CNTNAP2: variants seen among roughly 807,000 people sequenced by gnomAD.
The protein encoded by CNTNAP2 is contactin-associated protein-like 2.
CNTNAP2 carries 98 observed loss-of-function variants against 155.2 expected under a neutral mutation model. The ratio of observed to expected loss-of-function variants is 0.63; its 90% CI spans 0.54 to 0.75. The LOEUF is 0.75. Among genes scored for constraint, CNTNAP2 ranks in the 30% least tolerant of loss-of-function variants. CNTNAP2 has a pLI of 0.00. For missense variants in CNTNAP2, 1,727 were observed against 1,688.1 expected (o/e 1.02, Z -0.40); for synonymous variants, 651 against 631.2 (o/e 1.03, Z -0.47).
At chr7:146,614,594 C>G (rs1417639944) in intron 1 of CNTNAP2, among the ~76,000 whole-genome samples, 5 of 152,178 alleles carry the variant, frequency 3.3e-5, no homozygotes, top group Non-Finnish European at 5.9e-5. Context: ...CACCATCCAG[C>G]TGAATGCAAA....
At chr7:147,302,139 C>T (rs572926180) in intron 9 of CNTNAP2, among the ~76,000 whole-genome samples, 3 of 152,150 alleles carry the variant, frequency 2.0e-5, no homozygotes, top group South Asian at 2.1e-4. Flanking sequence ...AACTGGTTAC[C>T]GTCCAAAAAA....
chr7:146,750,609 ATTTTC>A (rs1410753302), intron 1 of CNTNAP2, among the ~76,000 whole-genome samples: 2 of 151,924 alleles, frequency 1.3e-5, no homozygotes, highest in African/African-American at 4.8e-5. Context: ...TTTGCCGAGG[ATTTTC>A]TTTTCTTTTG....
chr7:147,768,029 C>T (rs1797410012), intron 13 of CNTNAP2, among the ~76,000 whole-genome samples: 1 of 152,024 alleles, frequency 6.6e-6, no homozygotes, highest in Admixed American at 6.6e-5. Flanking sequence ...CTGAACTATT[C>T]CAGTGAGGAA....
intron 1 of CNTNAP2, among the ~76,000 whole-genome samples, chr7:146,262,647 T>C (rs1247226922): frequency 6.6e-6 from 1 of 152,208 alleles, no homozygotes; most frequent in African/African-American, 2.4e-5. Flanking sequence ...GATTTCTTGA[T>C]GGCAGCTACT....
chr7:146,181,651 G>A (rs13233350), intron 1 of CNTNAP2, among the ~76,000 whole-genome samples: 46,428 of 151,846 alleles, frequency 0.31, 8,298 homozygotes, highest in African/African-American at 0.5. Context: ...TTCAAAATAA[G>A]TATTATATGG....
chr7:147,381,142 G>C (rs374665695), intron 9 of CNTNAP2, among the ~76,000 whole-genome samples: 17 of 152,098 alleles, frequency 1.1e-4, no homozygotes, highest in African/African-American at 3.9e-4. Flanking sequence ...GTCAGTCACT[G>C]TACTAGGGGC....
rs538421445 is a variant in CNTNAP2, at chr7:148,264,535, A to G, written c.3382-2498A>G. On this transcript the variant is annotated intron_variant, in intron 20 of 23. Transcript: ENST00000361727. Reference sequence around the variant, plus strand: ...GTTACTTGGGTTCCATCCCTTTTTTATTTAAAAAGTTGAAAGAAAATACAT... The same window carrying G: ...GTTACTTGGGTTCCATCCCTTTTTTGTTTAAAAAGTTGAAAGAAAATACAT... Among the ~76,000 whole-genome samples the G allele has an allele frequency of 7.2e-5, 11 of 152,280 alleles. No homozygotes were observed. In the South Asian group the frequency reaches 2.1e-3, roughly 29 times the overall value.
At chr7:147,414,941 C>CAAAAAAAAAAAAAAA (rs67048724) in intron 10 of CNTNAP2, among the ~76,000 whole-genome samples, 15 of 50,950 alleles carry the variant, frequency 2.9e-4, no homozygotes, top group East Asian at 6.4e-4. Context: ...GACTCCTTCT[C>CAAAAAAAAAAAAAAA]AAAAAAAAAA....
intron 1 of CNTNAP2, among the ~76,000 whole-genome samples, chr7:146,169,869 A>T (rs1798363842): frequency 1.3e-5 from 2 of 151,720 alleles, no homozygotes; most frequent in African/African-American, 2.4e-5. Context: ...ATTCGTGGAT[A>T]GGTACCTAGT....
chr7:147,915,750 C>A (rs1366862579), intron 14 of CNTNAP2, among the ~76,000 whole-genome samples: 1 of 146,318 alleles, frequency 6.8e-6, no homozygotes, highest in Non-Finnish European at 1.5e-5. Flanking sequence ...ATCTGGGTGG[C>A]GGGCGGGGGT....
intron 12 of CNTNAP2, among the ~76,000 whole-genome samples, chr7:147,625,678 C>T (rs1794957139): frequency 6.6e-6 from 1 of 152,128 alleles, no homozygotes; most frequent in Non-Finnish European, 1.5e-5. Context: ...CCTGGATGAA[C>T]TGAACTGTGT....
chr7:146,325,852 G>A (rs552859650), intron 1 of CNTNAP2, among the ~76,000 whole-genome samples: 23 of 152,078 alleles, frequency 1.5e-4, no homozygotes, highest in South Asian at 6.2e-4. Context: ...TTAACTTCAC[G>A]GTTAAATATG....
intron 15 of CNTNAP2, among the ~76,000 whole-genome samples, chr7:147,994,996 G>A (rs2116886093): frequency 6.6e-6 from 1 of 152,268 alleles, no homozygotes; most frequent in East Asian, 1.9e-4. Context: ...ATGAGATGAA[G>A]TCCAGAGGAA....
At chr7:147,547,220 T>G (rs1339907814) in intron 11 of CNTNAP2, among the ~76,000 whole-genome samples, 1 of 152,202 alleles carries the variant, frequency 6.6e-6, no homozygotes, top group East Asian at 1.9e-4. Context: ...AATCCCTGTA[T>G]TACAGCTGAA....
At chr7:148,324,857 TAA>T (rs1324646081) in intron 21 of CNTNAP2, among the ~76,000 whole-genome samples, 3 of 149,356 alleles carry the variant, frequency 2.0e-5, no homozygotes, top group African/African-American at 7.4e-5. Context: ...CCAGCACCCA[TAA>T]CAGTGTCAGA....
chr7:147,182,530 A>T (rs540518179), intron 8 of CNTNAP2, among the ~76,000 whole-genome samples: 1 of 152,116 alleles, frequency 6.6e-6, no homozygotes, highest in East Asian at 1.9e-4. Flanking sequence ...TTTGATTTGC[A>T]GTCCTTTCCA....
chr7:148,379,551 T>TA lies in CNTNAP2; in HGVS notation c.3476-4087dup, dbSNP rs1328239432. ...AAACCCCGCCTCTACAAAAAAATACTAAAAAAAAAAATTAGTCGGGCATGG... is the reference window on the plus strand; with the variant it reads ...AAACCCCGCCTCTACAAAAAAATACTAAAAAAAAAAAATTAGTCGGGCATGG... On this transcript the variant is annotated intron_variant, in intron 21 of 23. Transcript: ENST00000361727. Among the ~76,000 whole-genome samples the TA allele has an allele frequency of 3.9e-4, 58 of 147,148 alleles. No homozygotes were observed. The South Asian group carries it at 4.6e-3, about 12-fold the overall frequency.
intron 18 of CNTNAP2, among the ~76,000 whole-genome samples, chr7:148,184,382 A>G (rs1414624887): frequency 3.9e-5 from 6 of 152,224 alleles, no homozygotes; most frequent in African/African-American, 1.4e-4. Flanking sequence ...ACTAAATTTT[A>G]TTTTAGTATT....
At chr7:147,120,930 T>C in intron 5 of CNTNAP2, 49 bp from the exon 6 acceptor site, 1 of 1,540,804 alleles carries the variant, frequency 6.5e-7, no homozygotes, top group East Asian at 2.2e-5. Flanking sequence ...CTTCACAGAG[T>C]TGGCCATAGC....
Sources: allele counts gnomAD v4.1 joint callset (sites outside exome capture counted in the v4.1 genomes callset), GRCh38; gene constraint gnomAD v4.1.1; transcripts MANE v1.5; gene names NCBI Gene and HGNC (gene_info 2026-07-23, HGNC 2026-07-21).